STRN: variants seen among roughly 807,000 people sequenced by gnomAD.
STRN encodes the protein striatin.
A neutral mutation model predicts 96.3 loss-of-function variants in STRN; 53 were observed. The observed-to-expected ratio is 0.55, with a 90% confidence interval of 0.44 to 0.69. The LOEUF (loss-of-function observed/expected upper bound fraction) is 0.69. STRN is among the 30% of genes least tolerant of loss of function. STRN has a pLI of 0.00. For synonymous variants in STRN, 428 were observed against 355.9 expected (o/e 1.20, Z -2.28); for missense variants, 987 against 963.9 (o/e 1.02, Z -0.32).
At chr2:36,957,879 T>C (rs2148277540) in intron 1 of STRN, among the ~76,000 whole-genome samples, 1 of 139,802 alleles carries the variant, frequency 7.2e-6, no homozygotes, top group South Asian at 2.4e-4. Flanking sequence ...GCCCCCCGAG[T>C]AGCTGGGATT....
At chr2:36,849,833 T>C (rs1378518024) in intron 16 of STRN, 33 bp from the exon 17 acceptor site, 1 of 1,599,522 alleles carries the variant, frequency 6.3e-7, no homozygotes, top group South Asian at 1.1e-5. Context: ...TCCTTATTAA[T>C]GCCTTTCCTC....
intron 12 of STRN, among the ~76,000 whole-genome samples, chr2:36,862,874 T>A (rs1209725690): frequency 1.3e-5 from 2 of 152,072 alleles, no homozygotes; most frequent in African/African-American, 4.8e-5. Flanking sequence ...TAGCTGGGAC[T>A]ACAGGCGCCC....
At chr2:36,954,265 C>T (rs1014186415) in intron 1 of STRN, among the ~76,000 whole-genome samples, 1 of 151,940 alleles carries the variant, frequency 6.6e-6, no homozygotes, top group African/African-American at 2.4e-5. Flanking sequence ...AATCCCAGCA[C>T]TGTGGGAGGC....
intron 1 of STRN, among the ~76,000 whole-genome samples, chr2:36,926,066 G>C (rs1415345011): frequency 6.6e-6 from 1 of 152,092 alleles, no homozygotes; most frequent in African/African-American, 2.4e-5. Flanking sequence ...ATAGAAAAAA[G>C]AAAGTGAAAG....
chr2:36,889,912 T>A (rs1369742878), intron 7 of STRN, among the ~76,000 whole-genome samples: 2 of 152,132 alleles, frequency 1.3e-5, no homozygotes, highest in African/African-American at 4.8e-5. Context: ...ACTCATATAA[T>A]AGGCTAGGTA....
chr2:36,855,356 A>G lies in STRN; in HGVS notation c.1838-4T>C. ...ACAGAGGCAGGGATTCCCAGTTCTGAAAGAGAACATATTGAAATAGAATGG... is the reference window on the plus strand; with the variant it reads ...ACAGAGGCAGGGATTCCCAGTTCTGGAAGAGAACATATTGAAATAGAATGG... On this transcript the variant is annotated splice_polypyrimidine_tract_variant and splice_region_variant and intron_variant, in intron 14 of 17. Transcript: ENST00000263918. The G allele has an allele frequency of 6.2e-7, 1 of 1,612,468 alleles. No homozygotes were observed. Among genetic ancestry groups the G allele is most frequent in the African/African-American group, 1.3e-5 (1 of 74,966 alleles).
intron 1 of STRN, among the ~76,000 whole-genome samples, chr2:36,953,100 C>G: frequency 6.6e-6 from 1 of 152,174 alleles, no homozygotes; most frequent in Admixed American, 6.5e-5. Context: ...GCTAATGAAA[C>G]CTGTGTGTTC....
At chr2:36,898,457 G>A (rs1435519710) in intron 6 of STRN, among the ~76,000 whole-genome samples, 1 of 152,192 alleles carries the variant, frequency 6.6e-6, no homozygotes, top group African/African-American at 2.4e-5. Flanking sequence ...AGTCGTGATG[G>A]AAAACAATAA....
At chr2:36,933,467 G>C (rs548132510) in intron 1 of STRN, among the ~76,000 whole-genome samples, 1 of 152,326 alleles carries the variant, frequency 6.6e-6, no homozygotes, top group East Asian at 1.9e-4. Context: ...GAATTCTGCA[G>C]ATTTACGGTA....
chr2:36,852,079 A>G (rs1163169584), intron 15 of STRN, among the ~76,000 whole-genome samples: 1 of 152,226 alleles, frequency 6.6e-6, no homozygotes, highest in Admixed American at 6.5e-5. Flanking sequence ...TCAGGTGACA[A>G]AATCAGTACC....
chr2:36,947,462 T>A (rs1664607938), intron 1 of STRN, among the ~76,000 whole-genome samples: 1 of 151,362 alleles, frequency 6.6e-6, no homozygotes, highest in African/African-American at 2.4e-5. Flanking sequence ...CCACTAAGTA[T>A]ATTAAATCTT....
chr2:36,932,778 TC>T (rs1439290387), intron 1 of STRN, among the ~76,000 whole-genome samples: 1 of 152,096 alleles, frequency 6.6e-6, no homozygotes, highest in East Asian at 1.9e-4. Context: ...AAGCAATCTC[TC>T]CATCCCTAAA....
chr2:36,884,150 T>C, intron 8 of STRN, 75 bp from the exon 9 acceptor site: 1 of 1,216,722 alleles, frequency 8.2e-7, no homozygotes, highest in Non-Finnish European at 1.1e-6. Context: ...AAAATGGTAT[T>C]ATAAGCCTTA....
chr2:36,904,957 A>T (rs949448155), intron 4 of STRN, among the ~76,000 whole-genome samples: 18 of 149,376 alleles, frequency 1.2e-4, no homozygotes, highest in Non-Finnish European at 2.2e-4. Context: ...TTGCATGTAA[A>T]CACCAATTGC....
At chr2:36,863,471 A>C (rs1370854824) in intron 12 of STRN, among the ~76,000 whole-genome samples, 4 of 152,194 alleles carry the variant, frequency 2.6e-5, no homozygotes, top group African/African-American at 9.7e-5. Flanking sequence ...GTCGAAGATT[A>C]GACGGTTATA....
intron 9 of STRN, 41 bp from the exon 10 acceptor site, chr2:36,878,068 G>C: frequency 1.2e-6 from 2 of 1,607,410 alleles, no homozygotes; most frequent in Non-Finnish European, 1.7e-6. Context: ...AAATCTCTAA[G>C]GAGCCAACAT....
intron 14 of STRN, among the ~76,000 whole-genome samples, chr2:36,856,731 G>C (rs547361388): frequency 2.6e-5 from 4 of 152,300 alleles, no homozygotes; most frequent in South Asian, 4.1e-4. Flanking sequence ...CCTCACTCAA[G>C]TCTCATGTCA....
chr2:36,878,440 A>C lies in STRN; in HGVS notation c.1187-413T>G, dbSNP rs182659794. ...TTCATTAATTTTATAACCTAGAAGA[A>C]TATAGAAAATTTCAAATGAAAATGG... On this transcript the variant is annotated intron_variant, in intron 9 of 17. Transcript: ENST00000263918. Among the ~76,000 whole-genome samples the C allele has an allele frequency of 3.3e-5, 5 of 152,342 alleles. No homozygotes were observed. The East Asian group carries it at 7.7e-4, about 23-fold the overall frequency.
chr2:36,887,159 T>C (rs993802806), intron 7 of STRN, among the ~76,000 whole-genome samples: 1 of 151,364 alleles, frequency 6.6e-6, no homozygotes, highest in African/African-American at 2.4e-5. Flanking sequence ...CCAGGTGGGG[T>C]GGCTCACGCC....
Sources: allele counts gnomAD v4.1 joint callset (sites outside exome capture counted in the v4.1 genomes callset), GRCh38; gene constraint gnomAD v4.1.1; transcripts MANE v1.5; gene names NCBI Gene and HGNC (gene_info 2026-07-23, HGNC 2026-07-21).